The following ITPR2 variants were observed in gnomAD, a reference collection of about 807,000 sequenced individuals.
The protein encoded by ITPR2 is inositol 1,4,5-trisphosphate receptor type 2.
A neutral mutation model predicts 317.1 loss-of-function variants in ITPR2; 207 were observed. The ratio of observed to expected loss-of-function variants is 0.65; its 90% CI spans 0.58 to 0.73. ITPR2 has a LOEUF of 0.73. ITPR2 is among the 30% of genes least tolerant of loss of function. The pLI, the probability that ITPR2 is intolerant of heterozygous loss-of-function variation, is 0.00. For synonymous variants in ITPR2, 1,156 were observed against 1,149.1 expected, an observed-to-expected ratio of 1.01 and a Z score of -0.12; for missense variants, 2,613 against 3,284.0, an observed-to-expected ratio of 0.80 and a Z score of 4.99.
intron 21 of ITPR2, among the ~76,000 whole-genome samples, chr12:26,639,769 C>T: frequency 6.6e-6 from 1 of 151,754 alleles, no homozygotes; most frequent in Non-Finnish European, 1.5e-5. Context: ...TGGTTTCCAG[C>T]TTCATCCATG....
intron 21 of ITPR2, among the ~76,000 whole-genome samples, chr12:26,637,021 GA>G (rs1321503447): frequency 6.6e-6 from 1 of 152,166 alleles, no homozygotes; most frequent in Admixed American, 6.6e-5. Context: ...ACTGTGTACT[GA>G]AAATGTAGAA....
chr12:26,640,521 T>C (rs1273426402), intron 21 of ITPR2, among the ~76,000 whole-genome samples: 1 of 152,076 alleles, frequency 6.6e-6, no homozygotes, highest in Non-Finnish European at 1.5e-5. Flanking sequence ...TATATAGTAA[T>C]ATATTAGACA....
intron 36 of ITPR2, among the ~76,000 whole-genome samples, chr12:26,551,283 G>C (rs1391120485): frequency 6.6e-6 from 1 of 152,080 alleles, no homozygotes; most frequent in Non-Finnish European, 1.5e-5. Flanking sequence ...CAAGTGTAAG[G>C]GCTTCCCAGG....
intron 2 of ITPR2, among the ~76,000 whole-genome samples, chr12:26,732,050 T>C (rs1949037224): frequency 6.6e-6 from 1 of 152,042 alleles, no homozygotes; most frequent in African/African-American, 2.4e-5. Flanking sequence ...AAGGCAACTG[T>C]AAAGAGAGGA....
chr12:26,488,282 AC>A (rs1331250424), intron 39 of ITPR2, among the ~76,000 whole-genome samples: 1 of 152,158 alleles, frequency 6.6e-6, no homozygotes, highest in Admixed American at 6.5e-5. Flanking sequence ...TATGAAGAAA[AC>A]ATAAGAAAAA....
At chr12:26,509,958 T>TTGTGTGTGTG (rs56063133) in intron 37 of ITPR2, among the ~76,000 whole-genome samples, 1,665 of 53,192 alleles carry the variant, frequency 0.031, 85 homozygotes, top group Non-Finnish European at 0.049. Flanking sequence ...GATAAGGGTT[T>TTGTGTGTGTG]TGTGTGTGTG....
In ITPR2 at chr12:26,494,138, T is replaced by C. The variant is rs1459102461; in HGVS notation, c.5370+15A>G. 14 of 1,590,370 alleles carry C rather than the reference T, an allele frequency of 8.8e-6. No homozygotes were observed. The highest frequency in any genetic ancestry group is 5.7e-5 in the South Asian group (5 of 88,450). On this transcript the variant is annotated intron_variant, in intron 39 of 56. Transcript: ENST00000381340. ...CCAATAATAAATGTAATCCCCATGA[T>C]TGATGAACAAGTACCTGTGTTTGTG... is the stretch of plus-strand genomic sequence containing the variant.
Position 26,659,133 on chromosome 12 carries a change from G to A in ITPR2, c.1866C>T (p.Leu622=), listed in dbSNP as rs2136910617. The change falls in exon 16 of 57, where the codon CTC becomes CTT. Residue 622 remains leucine (L), a synonymous_variant. Transcript: ENST00000381340. ...AKEIETFVSL[L]RRNREPRFLD... ...CAAACCTTGGCTCCCGATTTCTCCT[G>A]AGTAAACTGACAAATGTTTCTATTT... 1.9e-6 allele frequency: 3 copies of A among 1,613,118 alleles called. No homozygotes were observed. The highest frequency in any genetic ancestry group is 4.5e-5 in the East Asian group (2 of 44,814).
chr12:26,681,816 CT>C (rs1371317573), intron 13 of ITPR2, 57 bp downstream of exon 13: 1 of 1,252,556 alleles, frequency 8.0e-7, no homozygotes, highest in African/African-American at 1.5e-5. Context: ...TCATATCAGG[CT>C]TACTATAACA....
intron 52 of ITPR2, among the ~76,000 whole-genome samples, chr12:26,404,322 TGTA>T (rs1940277898): frequency 6.6e-6 from 1 of 152,150 alleles, no homozygotes; most frequent in South Asian, 2.1e-4. Flanking sequence ...AAGAACTGGT[TGTA>T]GGGTGTTTTG....
intron 9 of ITPR2, among the ~76,000 whole-genome samples, chr12:26,704,657 GCAAA>G (rs76372327): frequency 0.37 from 55,885 of 151,786 alleles, 11,528 homozygotes; most frequent in Non-Finnish European, 0.48. Context: ...CCCCAAGAAA[GCAAA>G]CAGACTTAAT....
At chr12:26,462,647 G>A (rs1322912248) in intron 45 of ITPR2, among the ~76,000 whole-genome samples, 1 of 150,324 alleles carries the variant, frequency 6.7e-6, no homozygotes, top group Non-Finnish European at 1.5e-5. Context: ...AGGATAAAAT[G>A]TCAGCTATAT....
At chr12:26,521,785 G>C (rs747567288) in intron 37 of ITPR2, among the ~76,000 whole-genome samples, 1 of 152,140 alleles carries the variant, frequency 6.6e-6, no homozygotes, top group Non-Finnish European at 1.5e-5. Flanking sequence ...ATTATGTCAG[G>C]GTAAGGGATT....
At chr12:26,384,555 A>G (rs1939611510) in intron 55 of ITPR2, among the ~76,000 whole-genome samples, 1 of 152,194 alleles carries the variant, frequency 6.6e-6, no homozygotes, top group African/African-American at 2.4e-5. Context: ...AAACATGGAT[A>G]AGTACTTGGA....
At chr12:26,570,040 A>C (rs1945118553) in intron 34 of ITPR2, among the ~76,000 whole-genome samples, 1 of 152,224 alleles carries the variant, frequency 6.6e-6, no homozygotes, top group South Asian at 2.1e-4. Context: ...GAGAAGAATG[A>C]GATACTCACC....
rs1946666877 is a variant in ITPR2 at position 26,628,175 on chromosome 12, T to C, written c.2935-13A>G. ...CACTCAGGATAAACTATAAGAAACA[T>C]TAAGAACAACATAAATTTCTTTCAT... On this transcript the variant is annotated splice_polypyrimidine_tract_variant and intron_variant, in intron 22 of 56. Coordinates refer to ENST00000381340, the MANE Select transcript of ITPR2 (RefSeq NM_002223.4). The C allele has an allele frequency of 1.3e-6, 2 of 1,576,212 alleles. No individual in the cohort carries two copies. Among genetic ancestry groups the C allele is most frequent in the Admixed American group, 3.7e-5 (2 of 53,586 alleles).
intron 2 of ITPR2, among the ~76,000 whole-genome samples, chr12:26,783,461 GAGA>G (rs1310305333): frequency 6.6e-6 from 1 of 152,172 alleles, no homozygotes; most frequent in Non-Finnish European, 1.5e-5. Context: ...CTGATGGTAA[GAGA>G]AGGACATAAA....
chr12:26,777,895 A>G lies in ITPR2; in HGVS notation c.163+12262T>C, dbSNP rs145492485. On this transcript the variant is annotated intron_variant, in intron 2 of 56. Coordinates refer to ENST00000381340, the MANE Select transcript of ITPR2 (RefSeq NM_002223.4). The stretch of plus-strand genomic sequence containing the variant: ...TACCTGGGTAACTGTGCACTGGAGA[A>G]AGGGAAATGATCAGATATTTTAGGG... Among the ~76,000 whole-genome samples the G allele has an allele frequency of 1.9e-3, 285 of 152,278 alleles. 1 individual carries two copies. The highest frequency in any genetic ancestry group is 6.6e-3 in the African/African-American group (273 of 41,560).
intron 1 of ITPR2, among the ~76,000 whole-genome samples, chr12:26,829,690 A>C (rs1951069024): frequency 6.6e-6 from 1 of 152,154 alleles, no homozygotes; most frequent in African/African-American, 2.4e-5. Flanking sequence ...GAAGGCCAGG[A>C]AACTGCACCA....
Sources: allele counts gnomAD v4.1 joint callset (sites outside exome capture counted in the v4.1 genomes callset), GRCh38; gene constraint gnomAD v4.1.1; transcripts MANE v1.5; gene names NCBI Gene and HGNC (gene_info 2026-07-23, HGNC 2026-07-21).